AGBL4: variants seen among roughly 807,000 people sequenced by gnomAD.
AGBL4 encodes the protein cytosolic carboxypeptidase 6.
Under a neutral mutation model 66.4 loss-of-function variants are expected in AGBL4, and 58 were observed. That is an observed-to-expected ratio of 0.87 (90% CI 0.71 to 1.09). The LOEUF (loss-of-function observed/expected upper bound fraction) is 1.09. AGBL4 is among the 50% of genes least tolerant of loss of function. The probability of loss-of-function intolerance (pLI) is 0.00; values close to 1 mark genes in which losing one functional copy is unlikely to be tolerated. For missense variants in AGBL4, 579 were observed against 631.0 expected (o/e 0.92, Z 0.88); for synonymous variants, 234 against 222.9 (o/e 1.05, Z -0.44).
At chr1:48,743,401 T>G (rs1650240826) in intron 6 of AGBL4, among the ~76,000 whole-genome samples, 1 of 152,192 alleles carries the variant, frequency 6.6e-6, no homozygotes, top group Non-Finnish European at 1.5e-5. Flanking sequence ...AGATAAATGG[T>G]GATAGTTTCT....
At chr1:49,679,262 A>G (rs1419946233) in intron 3 of AGBL4, among the ~76,000 whole-genome samples, 2 of 152,114 alleles carry the variant, frequency 1.3e-5, no homozygotes, top group Non-Finnish European at 2.9e-5. Flanking sequence ...TTCTTGGTGA[A>G]TTGACATTTT....
intron 2 of AGBL4, among the ~76,000 whole-genome samples, chr1:49,770,597 GTTC>G (rs199535402): frequency 2.3e-3 from 347 of 152,178 alleles, no homozygotes; most frequent in African/African-American, 8.0e-3. Flanking sequence ...ATTGGTATTA[GTTC>G]TTCTTCAAAT....
intron 2 of AGBL4, among the ~76,000 whole-genome samples, chr1:49,833,164 T>C (rs1460799040): frequency 6.6e-6 from 1 of 152,228 alleles, no homozygotes; most frequent in African/African-American, 2.4e-5. Context: ...TTGAATTAAT[T>C]TTTGTATAAG....
chr1:48,789,283 T>C (rs1421509286), intron 6 of AGBL4, among the ~76,000 whole-genome samples: 1 of 48,076 alleles, frequency 2.1e-5, no homozygotes, highest in Non-Finnish European at 5.0e-5. Flanking sequence ...CGTGGATATA[T>C]ATATATATAT....
At chr1:49,119,465 C>T (rs1645605732) in intron 4 of AGBL4, among the ~76,000 whole-genome samples, 2 of 152,164 alleles carry the variant, frequency 1.3e-5, no homozygotes, top group Non-Finnish European at 2.9e-5. Flanking sequence ...ACCCAGTAGT[C>T]ATTCATGAGT....
chr1:49,449,326 G>C, intron 3 of AGBL4, among the ~76,000 whole-genome samples: 1 of 151,952 alleles, frequency 6.6e-6, no homozygotes, highest in East Asian at 1.9e-4. Context: ...TTTTTGATAG[G>C]GAGGAGTGGT....
chr1:48,753,921 C>T (rs1264692172), intron 6 of AGBL4, among the ~76,000 whole-genome samples: 1 of 152,150 alleles, frequency 6.6e-6, no homozygotes, highest in Non-Finnish European at 1.5e-5. Flanking sequence ...CCATCATCTG[C>T]CTCCCTCCTG....
rs1174797137 is a variant in AGBL4 at position 49,010,390 on chromosome 1, A to T, written c.594+35194T>A. 2.7e-3 allele frequency among the ~76,000 whole-genome samples: 362 copies of T among 132,628 alleles called. 1 individual carries two copies. Among genetic ancestry groups the T allele is most frequent in the Non-Finnish European group, 4.6e-3 (291 of 63,010 alleles). The allele number at this position is 132,628 out of a possible 152,430, so 87.0% of individuals were successfully genotyped here. A position where few individuals can be genotyped will look rare whatever the true frequency, so the allele number is the denominator to read the frequency against. Reference sequence around the variant, plus strand: ...CAAGGAAATAAAAGAGGATACAAACAAATGGAAGAACATTCCATGCTCATG... The same window carrying T: ...CAAGGAAATAAAAGAGGATACAAACTAATGGAAGAACATTCCATGCTCATG... On this transcript the variant is annotated intron_variant, in intron 5 of 13. Transcript: ENST00000371839.
rs149316242 is a variant in AGBL4 at position 48,960,834 on chromosome 1, A to G, written c.594+84750T>C. 3.6e-3 allele frequency among the ~76,000 whole-genome samples: 541 copies of G among 152,326 alleles called. 3 individuals carry two copies. Among genetic ancestry groups the G allele is most frequent in the African/African-American group, 0.013 (520 of 41,564 alleles). ...ATGTGAATATGAATTTCTGAATACT[A>G]TTTTCTCAAATTGCTATGGGTCATA... On this transcript the variant is annotated intron_variant, in intron 5 of 13. Coordinates refer to ENST00000371839, the MANE Select transcript of AGBL4 (RefSeq NM_032785.4).
intron 2 of AGBL4, among the ~76,000 whole-genome samples, chr1:49,834,701 G>A (rs1385956632): frequency 1.3e-5 from 2 of 152,008 alleles, no homozygotes; most frequent in Admixed American, 1.3e-4. Context: ...TTTCTTCTGT[G>A]GGCATTTAGT....
At chr1:48,638,770 C>A (rs1434841553) in intron 8 of AGBL4, among the ~76,000 whole-genome samples, 2 of 152,202 alleles carry the variant, frequency 1.3e-5, no homozygotes, top group Admixed American at 6.5e-5. Context: ...ATTCCTGTGC[C>A]TGACAAAGAG....
intron 1 of AGBL4, among the ~76,000 whole-genome samples, chr1:49,981,716 A>G (rs1408988125): frequency 6.6e-6 from 1 of 152,146 alleles, no homozygotes; most frequent in Non-Finnish European, 1.5e-5. Context: ...TTAACTTTAC[A>G]GAGTTGTGCT....
At chr1:48,871,176 G>A (rs1430665390) in intron 5 of AGBL4, among the ~76,000 whole-genome samples, 1 of 152,104 alleles carries the variant, frequency 6.6e-6, no homozygotes, top group African/African-American at 2.4e-5. Flanking sequence ...TATTATAATT[G>A]GTTGCCAACT....
intron 5 of AGBL4, among the ~76,000 whole-genome samples, chr1:48,896,792 T>C (rs754391757): frequency 3.3e-5 from 5 of 151,838 alleles, no homozygotes; most frequent in Admixed American, 1.3e-4. Context: ...TTTTTACTAG[T>C]ACAAATAAAA....
intron 2 of AGBL4, among the ~76,000 whole-genome samples, chr1:49,802,029 C>A (rs1225513923): frequency 1.3e-5 from 2 of 152,122 alleles, no homozygotes; most frequent in Non-Finnish European, 2.9e-5. Context: ...ATAAAATGCT[C>A]CTGATTATTG....
intron 4 of AGBL4, among the ~76,000 whole-genome samples, chr1:49,231,142 C>T (rs2148296780): frequency 6.6e-6 from 1 of 152,198 alleles, no homozygotes; most frequent in Non-Finnish European, 1.5e-5. Flanking sequence ...AATTCTTAAA[C>T]AGTAAGATTT....
intron 5 of AGBL4, among the ~76,000 whole-genome samples, chr1:49,003,313 G>A (rs955924744): frequency 6.6e-5 from 10 of 152,170 alleles, no homozygotes; most frequent in South Asian, 2.1e-4. Flanking sequence ...CAGGAGAATC[G>A]CTTGAACCCA....
At chr1:49,226,829 C>A (rs1231676757) in intron 4 of AGBL4, among the ~76,000 whole-genome samples, 3 of 152,126 alleles carry the variant, frequency 2.0e-5, no homozygotes, top group Non-Finnish European at 4.4e-5. Context: ...ATGCTATTAA[C>A]AAAATATCAT....
intron 5 of AGBL4, among the ~76,000 whole-genome samples, chr1:48,879,354 GTC>G (rs1268651868): frequency 6.6e-6 from 1 of 152,096 alleles, no homozygotes; most frequent in East Asian, 1.9e-4. Flanking sequence ...TGAAAAAGAT[GTC>G]TCTTTCTTTC....
Sources: allele counts gnomAD v4.1 joint callset (sites outside exome capture counted in the v4.1 genomes callset), GRCh38; gene constraint gnomAD v4.1.1; transcripts MANE v1.5; gene names NCBI Gene and HGNC (gene_info 2026-07-23, HGNC 2026-07-21).